The following ANK2 variants were observed in gnomAD, a reference collection of about 807,000 sequenced individuals.
ANK2 encodes ankyrin-2.
In ANK2, 83 loss-of-function variants were observed where a neutral mutation model predicts 360.5. The observed-to-expected ratio is 0.23, with a 90% CI of 0.19 to 0.28. The LOEUF (loss-of-function observed/expected upper bound fraction) is 0.28, where lower values mean the gene tolerates loss of function less well. ANK2 is among the 10% of genes least tolerant of loss of function. The pLI is 1.00. For synonymous variants in ANK2, 1,740 were observed against 1,759.5 expected (o/e 0.99, Z 0.28); for missense variants, 4,201 against 4,795.7 (o/e 0.88, Z 3.66).
At chr4:113,377,093 T>C (rs2096972444) in intron 45 of ANK2, among the ~76,000 whole-genome samples, 1 of 152,188 alleles carries the variant, frequency 6.6e-6, no homozygotes, top group Non-Finnish European at 1.5e-5. Context: ...TTTATAATAC[T>C]TGATAATGAT....
chr4:113,088,507 A>G (rs1017076509), intron 1 of ANK2, among the ~76,000 whole-genome samples: 7 of 152,336 alleles, frequency 4.6e-5, no homozygotes, highest in African/African-American at 1.7e-4. Context: ...TTGGCCTCAC[A>G]TATCTAAAAA....
intron 1 of ANK2, among the ~76,000 whole-genome samples, chr4:112,840,936 C>T (rs2061958439): frequency 6.6e-6 from 1 of 151,456 alleles, no homozygotes; most frequent in Non-Finnish European, 1.5e-5. Context: ...TTTAAACTCA[C>T]ATCTTTCCTG....
At chr4:113,335,748 A>T in intron 29 of ANK2, 98 bp from the exon 30 acceptor site, 1 of 1,264,798 alleles carries the variant, frequency 7.9e-7, no homozygotes, top group Non-Finnish European at 1.1e-6. Context: ...TTTTGCTGGC[A>T]CTTCTGTTCA....
At chr4:112,714,632 G>A in the ANK2 span, among the ~76,000 whole-genome samples, 2 of 152,110 alleles carry the variant, frequency 1.3e-5, no homozygotes, top group Non-Finnish European at 2.9e-5. Flanking sequence ...AAAGTAATAT[G>A]TCACATCTCA....
At chr4:113,372,920 A>C (rs1280768351) in intron 43 of ANK2, among the ~76,000 whole-genome samples, 170 bp from the exon 44 acceptor site, 1 of 152,178 alleles carries the variant, frequency 6.6e-6, no homozygotes, top group Non-Finnish European at 1.5e-5. Flanking sequence ...TCTCCTAAGC[A>C]TGTTATTACC....
chr4:113,034,946 C>G (rs1283947018), intron 2 of ANK2, among the ~76,000 whole-genome samples: 1 of 151,898 alleles, frequency 6.6e-6, no homozygotes, highest in African/African-American at 2.4e-5. Flanking sequence ...TCTAGGAACT[C>G]AAGGCATATA....
intron 2 of ANK2, among the ~76,000 whole-genome samples, chr4:112,970,368 T>A (rs1190074071): frequency 6.6e-6 from 1 of 151,814 alleles, no homozygotes; most frequent in Admixed American, 6.6e-5. Context: ...TAATTAATTA[T>A]TTTAAAGATG....
chr4:113,362,598 C>A (rs956945295), intron 39 of ANK2, among the ~76,000 whole-genome samples: 1 of 152,124 alleles, frequency 6.6e-6, no homozygotes, highest in African/African-American at 2.4e-5. Flanking sequence ...GCAAACACTA[C>A]CATGCCCAGC....
the ANK2 span, among the ~76,000 whole-genome samples, chr4:112,810,202 A>G: frequency 4.6e-5 from 6 of 130,252 alleles, no homozygotes; most frequent in African/African-American, 1.7e-4. Flanking sequence ...GGGTTTCACC[A>G]TGTTGGCCAG....
intron 2 of ANK2, among the ~76,000 whole-genome samples, chr4:113,037,292 G>A (rs376524936): frequency 2.6e-5 from 4 of 151,872 alleles, no homozygotes; most frequent in Non-Finnish European, 4.4e-5. Context: ...TTTTTACTTA[G>A]ATTTCTACAG....
At chr4:113,076,411 C>T (rs1422165026) in intron 1 of ANK2, among the ~76,000 whole-genome samples, 2 of 152,194 alleles carry the variant, frequency 1.3e-5, no homozygotes, top group Admixed American at 1.3e-4. Context: ...AATACCTAAG[C>T]TTAGTAAACC....
At chr4:112,963,239 T>A (rs926350726) in intron 2 of ANK2, among the ~76,000 whole-genome samples, 6 of 152,116 alleles carry the variant, frequency 3.9e-5, no homozygotes, top group Non-Finnish European at 5.9e-5. Flanking sequence ...ACTTGTTGGT[T>A]TTTCTTGGTT....
chr4:113,106,539 T>C (rs1276346465), intron 1 of ANK2, among the ~76,000 whole-genome samples: 3 of 152,170 alleles, frequency 2.0e-5, no homozygotes, highest in Non-Finnish European at 2.9e-5. Context: ...CAGCTCTTTT[T>C]GGGATCAGTC....
intron 1 of ANK2, among the ~76,000 whole-genome samples, chr4:112,843,028 T>A (rs556035707): frequency 3.9e-4 from 59 of 152,320 alleles, no homozygotes; most frequent in African/African-American, 1.3e-3. Flanking sequence ...TGTTGTCACA[T>A]CACCTTCTTC....
At chr4:112,814,229 C>T (rs763944981), upstream of ANK2, among the ~76,000 whole-genome samples, 14 of 152,100 alleles carry the variant, frequency 9.2e-5, no homozygotes, top group Non-Finnish European at 1.9e-4. Context: ...TTCTTATAGT[C>T]TTTCCTGAGG....
chr4:113,241,942 G>A (rs1054284916), intron 8 of ANK2, among the ~76,000 whole-genome samples, 169 bp from the exon 9 acceptor site: 162 of 152,022 alleles, frequency 1.1e-3, no homozygotes, highest in African/African-American at 3.8e-3. Flanking sequence ...ATATTGTTTT[G>A]TGGTTTGTGT....
At chr4:112,738,909 A>T in the ANK2 span, 5 of 686,032 alleles carry the variant, frequency 7.3e-6, no homozygotes, top group Admixed American at 9.2e-5. Context: ...AACAAAGCAC[A>T]TGCTGCTAGT....
At chr4:113,295,289 C>T (rs575822019) in intron 22 of ANK2, among the ~76,000 whole-genome samples, 2 of 152,274 alleles carry the variant, frequency 1.3e-5, no homozygotes, top group South Asian at 4.1e-4. Context: ...GAATGAGACT[C>T]AGGCTTGGTA....
chr4:113,034,575 T>C (rs1251177671), intron 2 of ANK2: 1 of 66,708 alleles, frequency 1.5e-5, no homozygotes, highest in East Asian at 2.3e-4. Flanking sequence ...ATTATCTTTT[T>C]ATCTGTAGAA....
Sources: gnomAD v4.1 joint callset for allele counts (sites outside exome capture counted in the v4.1 genomes callset) on GRCh38, gnomAD v4.1.1 for gene constraint, MANE v1.5 for transcripts, NCBI Gene and HGNC (gene_info 2026-07-23, HGNC 2026-07-21) for gene names.